SNTG1: variants seen among roughly 807,000 people sequenced by gnomAD.
SNTG1 encodes gamma-1-syntrophin.
A neutral mutation model predicts 74.7 loss-of-function variants in SNTG1; 39 were observed. That is an observed-to-expected ratio of 0.52 (90% CI 0.40 to 0.68). SNTG1 has a LOEUF of 0.68. Ranked by LOEUF, SNTG1 falls within the 30% of genes least tolerant of loss-of-function variation. The pLI is 0.00. For synonymous variants in SNTG1, 254 were observed against 217.1 expected, an observed-to-expected ratio of 1.17 and a Z score of -1.49; for missense variants, 685 against 609.5, an observed-to-expected ratio of 1.12 and a Z score of -1.30.
intron 2 of SNTG1, among the ~76,000 whole-genome samples, chr8:50,350,449 C>T (rs1332647654): frequency 1.3e-5 from 2 of 152,236 alleles, no homozygotes; most frequent in African/African-American, 4.8e-5. Context: ...CCAATGGGCA[C>T]TCTGTATCTA....
intron 9 of SNTG1, among the ~76,000 whole-genome samples, chr8:50,524,656 A>G (rs981019474): frequency 1.3e-5 from 2 of 149,244 alleles, no homozygotes; most frequent in Admixed American, 6.7e-5. Flanking sequence ...TAAAAATAAT[A>G]CAAATAAACA....
chr8:50,126,642 T>TA (rs2081149673), intron 1 of SNTG1, among the ~76,000 whole-genome samples: 1 of 151,868 alleles, frequency 6.6e-6, no homozygotes, highest in Admixed American at 6.6e-5. Context: ...ATGTTTCATA[T>TA]ATTATATATT....
At chr8:50,203,435 AAGAAAAGCC>A (rs1485511416) in intron 2 of SNTG1, among the ~76,000 whole-genome samples, 1 of 152,128 alleles carries the variant, frequency 6.6e-6, no homozygotes, top group Non-Finnish European at 1.5e-5. Context: ...TAATGGGCCC[AAGAAAAGCC>A]ATTAACTTTC....
intron 2 of SNTG1, among the ~76,000 whole-genome samples, chr8:50,232,825 C>T (rs1475079749): frequency 6.6e-6 from 1 of 151,464 alleles, no homozygotes; most frequent in African/African-American, 2.4e-5. Context: ...TCCAATATTA[C>T]TTACAATTGC....
Position 49,921,265 on chromosome 8 carries a change from G to T in SNTG1, c.-103+9034G>T, listed in dbSNP as rs999882976. Among the ~76,000 whole-genome samples, 6 of 152,160 alleles carry T rather than the reference G, an allele frequency of 3.9e-5. No individual in the cohort carries two copies. In the East Asian group the frequency reaches 7.7e-4, roughly 20 times the overall value. On this transcript the variant is annotated intron_variant, in intron 1 of 18. Transcript: ENST00000642720. Reference sequence around the variant, plus strand: ...GAGTCGTAGAAAGTGTAGGGGAAAGGTATAAAGGAAAATGCATGGAGTTCT... The same window carrying T: ...GAGTCGTAGAAAGTGTAGGGGAAAGTTATAAAGGAAAATGCATGGAGTTCT...
At chr8:50,635,239 T>C (rs1157785492) in intron 13 of SNTG1, among the ~76,000 whole-genome samples, 1 of 152,110 alleles carries the variant, frequency 6.6e-6, no homozygotes, top group African/African-American at 2.4e-5. Context: ...CCTCTATGGA[T>C]CTGTAAAACT....
At chr8:49,958,006 C>T (rs1330440600) in intron 1 of SNTG1, among the ~76,000 whole-genome samples, 3 of 151,972 alleles carry the variant, frequency 2.0e-5, no homozygotes, top group Non-Finnish European at 4.4e-5. Context: ...GAGTCTAGCT[C>T]TTAAAAAAAA....
chr8:50,740,045 T>A (rs2095539208), intron 17 of SNTG1, among the ~76,000 whole-genome samples: 1 of 152,070 alleles, frequency 6.6e-6, no homozygotes, highest in Non-Finnish European at 1.5e-5. Context: ...GCAATACCAT[T>A]CTAGACATAG....
At chr8:50,348,144 G>A (rs183384136) in intron 2 of SNTG1, among the ~76,000 whole-genome samples, 25 of 152,176 alleles carry the variant, frequency 1.6e-4, no homozygotes, top group Non-Finnish European at 3.4e-4. Flanking sequence ...TACCAAGGAG[G>A]CAGTGAGACT....
chr8:50,356,146 A>G (rs1204350991), intron 2 of SNTG1, among the ~76,000 whole-genome samples: 1 of 151,962 alleles, frequency 6.6e-6, no homozygotes, highest in Non-Finnish European at 1.5e-5. Context: ...GTTTTTTTCA[A>G]TACATTTATG....
At chr8:49,986,936 A>G (rs1813220242) in intron 1 of SNTG1, among the ~76,000 whole-genome samples, 1 of 152,180 alleles carries the variant, frequency 6.6e-6, no homozygotes, top group African/African-American at 2.4e-5. Context: ...TGGAGAAGAA[A>G]AGTCTTCTGT....
intron 15 of SNTG1, among the ~76,000 whole-genome samples, chr8:50,702,487 C>A (rs755698148): frequency 1.1e-4 from 17 of 152,084 alleles, no homozygotes; most frequent in Non-Finnish European, 1.9e-4. Context: ...AAGCAGGAAA[C>A]AATGAAAATA....
At chr8:50,735,583 A>T (rs182608631) in intron 17 of SNTG1, among the ~76,000 whole-genome samples, 58 of 152,146 alleles carry the variant, frequency 3.8e-4, no homozygotes, top group Middle Eastern at 3.4e-3. Flanking sequence ...AAAAAGAATG[A>T]AAAGGAATGA....
intron 13 of SNTG1, among the ~76,000 whole-genome samples, chr8:50,619,459 A>C (rs1160887156): frequency 1.3e-5 from 2 of 152,128 alleles, no homozygotes; most frequent in East Asian, 3.9e-4. Context: ...GGGCCGGGCA[A>C]GGTGGCTCAC....
At chr8:50,509,504 G>A (rs977372636) in intron 9 of SNTG1, among the ~76,000 whole-genome samples, 4 of 152,180 alleles carry the variant, frequency 2.6e-5, no homozygotes, top group African/African-American at 4.8e-5. Flanking sequence ...AATTACCTTG[G>A]GCAGTATGGC....
At chr8:50,569,602 G>A (rs1266604942) in intron 12 of SNTG1, among the ~76,000 whole-genome samples, 1 of 151,974 alleles carries the variant, frequency 6.6e-6, no homozygotes, top group African/African-American at 2.4e-5. Context: ...AACAAAGCTT[G>A]TAGGTGAATT....
At chr8:49,916,405 C>T (rs1806037747) in intron 1 of SNTG1, among the ~76,000 whole-genome samples, 1 of 151,970 alleles carries the variant, frequency 6.6e-6, no homozygotes, top group Non-Finnish European at 1.5e-5. Context: ...TTCAATTTGT[C>T]AGCAAAGATA....
At chr8:50,587,601 G>A (rs2094659314) in intron 12 of SNTG1, among the ~76,000 whole-genome samples, 1 of 152,090 alleles carries the variant, frequency 6.6e-6, no homozygotes, top group Non-Finnish European at 1.5e-5. Flanking sequence ...GAGGCGGGCG[G>A]ATCACCTGAA....
At chr8:49,975,952 T>G (rs1812155405) in intron 1 of SNTG1, among the ~76,000 whole-genome samples, 1 of 152,200 alleles carries the variant, frequency 6.6e-6, no homozygotes, top group Admixed American at 6.5e-5. Flanking sequence ...CTTTCATTTA[T>G]TTTTTCAGTG....
Sources: allele counts gnomAD v4.1 joint callset (sites outside exome capture counted in the v4.1 genomes callset), GRCh38; gene constraint gnomAD v4.1.1; transcripts MANE v1.5; gene names NCBI Gene and HGNC (gene_info 2026-07-23, HGNC 2026-07-21).